ARF1: variants seen among roughly 807,000 people sequenced by gnomAD.
The protein encoded by ARF1 is ARF GTPase 1, also known as ADP-ribosylation factor 1.
ARF1 carries 1 observed loss-of-function variant against 18.0 expected under a neutral mutation model. The ratio of observed to expected loss-of-function variants is 0.06; its 90% confidence interval spans 0.02 to 0.26. ARF1 has a LOEUF of 0.26. Among genes scored for constraint, ARF1 ranks in the 10% least tolerant of loss-of-function variants. The pLI is 1.00. For synonymous variants in ARF1, 112 were observed against 96.3 expected (o/e 1.16, Z -0.95); for missense variants, 73 against 247.2 (o/e 0.30, Z 4.73).
At chr1:228,094,480 T>C (rs952656189) in intron 1 of ARF1, among the ~76,000 whole-genome samples, 2 of 152,112 alleles carry the variant, frequency 1.3e-5, no homozygotes, top group Non-Finnish European at 2.9e-5. Context: ...CATGCGAACC[T>C]GTCATTATTA....
chr1:228,098,554 T>C lies in ARF1; in HGVS notation c.*541T>C, dbSNP rs1276871756. 1 of 152,616 alleles carries C rather than the reference T, an allele frequency of 6.6e-6. No individual in the cohort carries two copies. Among genetic ancestry groups the C allele is most frequent in the African/African-American group, 2.4e-5 (1 of 41,340 alleles). The allele number at this position is 152,616 out of a possible 1,614,324, so 9.5% of individuals were successfully genotyped here. A position where few individuals can be genotyped will look rare whatever the true frequency, so the allele number is the denominator to read the frequency against. ...TGTTCCCCTCGGGAACATGAGGTGG[T>C]GGTGGCGCAGCAGACTGCGATCAAT... On this transcript the variant is annotated 3_prime_UTR_variant, in exon 5 of 5. Coordinates refer to ENST00000272102, the MANE Select transcript of ARF1 (RefSeq NM_001658.4).
At position 228,098,237 on chromosome 1, in the gene ARF1, T is replaced by C. The variant is rs996547523; in HGVS notation, c.*224T>C. 2 of 473,846 alleles carry C rather than the reference T, an allele frequency of 4.2e-6. No homozygotes were observed. The highest frequency in any genetic ancestry group is 7.3e-6 in the Non-Finnish European group (2 of 275,240). The allele number at this position is 473,846 out of a possible 1,614,324, so 29.4% of individuals were successfully genotyped here. A position where few individuals can be genotyped will look rare whatever the true frequency, so the allele number is the denominator to read the frequency against. ...AGTTTCTGGTACTCCTATGCAATAT[T>C]ACTCAGCTTTTTTTATTGTAAAAAG... On this transcript the variant is annotated 3_prime_UTR_variant, in exon 5 of 5. Transcript: ENST00000272102.
rs2032844808 is a variant in ARF1, at chr1:228,098,659, T to G, written c.*646T>G. 6.5e-6 allele frequency: 1 copy of G among 152,712 alleles called. No individual in the cohort carries two copies. Among genetic ancestry groups the G allele is most frequent in the African/African-American group, 2.4e-5 (1 of 41,472 alleles). The allele number at this position is 152,712 out of a possible 1,614,324, so 9.5% of individuals were successfully genotyped here. Reference sequence around the variant, plus strand: ...CATTCCATAGCCATGTGCTTGTCCCTGTGCTCCCACGGTTCCCAGGGGCCA... The same window carrying G: ...CATTCCATAGCCATGTGCTTGTCCCGGTGCTCCCACGGTTCCCAGGGGCCA... On this transcript the variant is annotated 3_prime_UTR_variant, in exon 5 of 5. Transcript: ENST00000272102.
intron 1 of ARF1, among the ~76,000 whole-genome samples, chr1:228,086,460 G>A (rs1420952919): frequency 1.3e-5 from 2 of 151,686 alleles, no homozygotes; most frequent in African/African-American, 2.4e-5. Context: ...AGCTTGCAGG[G>A]AGCAGAGATC....
intron 1 of ARF1, among the ~76,000 whole-genome samples, chr1:228,084,298 A>G (rs1456545420): frequency 1.3e-5 from 2 of 152,264 alleles, no homozygotes; most frequent in African/African-American, 4.8e-5. Context: ...TTAGTCACAC[A>G]TCTCATTGGA....
At chr1:228,091,704 C>T (rs913246925) in intron 1 of ARF1, among the ~76,000 whole-genome samples, 5 of 152,244 alleles carry the variant, frequency 3.3e-5, no homozygotes, top group Non-Finnish European at 7.4e-5. Flanking sequence ...TTTCCCTTTA[C>T]GTGAGTTTTG....
chr1:228,086,409 G>T (rs761217563), intron 1 of ARF1, among the ~76,000 whole-genome samples: 5 of 151,992 alleles, frequency 3.3e-5, no homozygotes, highest in Non-Finnish European at 7.4e-5. Context: ...CCAGCTACCC[G>T]GGAGGCTGGG....
chr1:228,094,222 C>G (rs760254823), intron 1 of ARF1, among the ~76,000 whole-genome samples: 3 of 152,176 alleles, frequency 2.0e-5, no homozygotes, highest in Non-Finnish European at 4.4e-5. Flanking sequence ...CAGTCTGGTG[C>G]TGCCTCTGCC....
rs555105464 is a variant in ARF1 at position 228,098,241 on chromosome 1, CAGCTTTTTTTATTGTAAAAAGAAA to C, written c.*230_*253del. 29 of 464,008 alleles carry C rather than the reference CAGCTTTTTTTATTGTAAAAAGAAA, an allele frequency of 6.2e-5. 1 individual carries two copies. In the East Asian group the frequency reaches 1.1e-3, roughly 17 times the overall value. 28.7% of individuals were successfully genotyped at this position (464,008 alleles called of 1,614,324 possible). ...TCTGGTACTCCTATGCAATATTACT[CAGCTTTTTTTATTGTAAAAAGAAA>C]AATCAACTCACTGTTCAGTGCTGAG... On this transcript the variant is annotated 3_prime_UTR_variant, in exon 5 of 5. Transcript: ENST00000272102.
At chr1:228,084,028 C>T (rs1431156682) in intron 1 of ARF1, among the ~76,000 whole-genome samples, 2 of 152,202 alleles carry the variant, frequency 1.3e-5, no homozygotes, top group African/African-American at 4.8e-5. Flanking sequence ...TTTTCTTTGC[C>T]GGCTGTTGCA....
Position 228,098,027 on chromosome 1 carries a change from C to T in ARF1, c.*14C>T. 1.2e-6 allele frequency: 2 copies of T among 1,602,968 alleles called. No individual in the cohort carries two copies. The highest frequency in any genetic ancestry group is 1.3e-5 in the African/African-American group (1 of 74,832). On this transcript the variant is annotated 3_prime_UTR_variant, in exon 5 of 5. Transcript: ENST00000272102. ...AACCAGAAGTGAACGCGACCCCCCT[C>T]CCTCTCACTCCTCTTGCCCTCTGCT...
chr1:228,095,070 TTC>T (rs922172588), intron 1 of ARF1, among the ~76,000 whole-genome samples: 2 of 152,182 alleles, frequency 1.3e-5, no homozygotes, highest in African/African-American at 2.4e-5. Context: ...TCCTTTTTCA[TTC>T]TGTTTGTTTT....
At chr1:228,096,884 C>A (rs896710863) in intron 1 of ARF1, among the ~76,000 whole-genome samples, 194 bp from the exon 2 acceptor site, 3 of 152,210 alleles carry the variant, frequency 2.0e-5, no homozygotes, top group Non-Finnish European at 4.4e-5. Flanking sequence ...TTTCTCAATT[C>A]CTGACTCAGC....
At chr1:228,087,019 T>A (rs1484737824) in intron 1 of ARF1, among the ~76,000 whole-genome samples, 1 of 152,218 alleles carries the variant, frequency 6.6e-6, no homozygotes, top group African/African-American at 2.4e-5. Context: ...ACCTGTGTTA[T>A]AAGAGTGTGT....
chr1:228,092,765 G>A (rs1208012498), intron 1 of ARF1, among the ~76,000 whole-genome samples: 3 of 152,158 alleles, frequency 2.0e-5, no homozygotes, highest in African/African-American at 7.2e-5. Flanking sequence ...GGTGGTCTGG[G>A]TACAGGCCAC....
intron 1 of ARF1, among the ~76,000 whole-genome samples, chr1:228,093,645 G>A (rs899688742): frequency 6.7e-6 from 1 of 148,278 alleles, no homozygotes; most frequent in East Asian, 2.0e-4. Context: ...AAAAAAATCC[G>A]GGCGTGGTGG....
At chr1:228,092,362 C>T (rs990771593) in intron 1 of ARF1, among the ~76,000 whole-genome samples, 4 of 152,272 alleles carry the variant, frequency 2.6e-5, no homozygotes, top group African/African-American at 7.2e-5. Flanking sequence ...GTGGGAGGTT[C>T]GCTTGAGCCC....
At chr1:228,091,681 C>T (rs965405624) in intron 1 of ARF1, among the ~76,000 whole-genome samples, 3 of 152,122 alleles carry the variant, frequency 2.0e-5, no homozygotes, top group East Asian at 1.9e-4. Flanking sequence ...TCACCAGTAT[C>T]GGCACATTTA....
intron 1 of ARF1, chr1:228,087,978 C>A (rs2032460233): frequency 6.6e-6 from 1 of 152,244 alleles, no homozygotes; most frequent in Non-Finnish European, 1.5e-5. Flanking sequence ...GATAAACATT[C>A]TTTTGCCATT....
Sources: gnomAD v4.1 joint callset for allele counts (sites outside exome capture counted in the v4.1 genomes callset) on GRCh38, gnomAD v4.1.1 for gene constraint, MANE v1.5 for transcripts, NCBI Gene and HGNC (gene_info 2026-07-23, HGNC 2026-07-21) for gene names.